DISC1: variants seen among roughly 807,000 people sequenced by gnomAD.
DISC1 encodes the protein DISC1 scaffold protein.
Under a neutral mutation model 84.5 loss-of-function variants are expected in DISC1, and 57 were observed. The ratio of observed to expected loss-of-function variants is 0.67; its 90% CI spans 0.55 to 0.84. The LOEUF (loss-of-function observed/expected upper bound fraction) is 0.84. DISC1 is among the 40% of genes least tolerant of loss of function. DISC1 has a pLI of 0.00. For missense variants in DISC1, 1,000 were observed against 1,057.8 expected (o/e 0.95, Z 0.76); for synonymous variants, 411 against 415.2 (o/e 0.99, Z 0.12).
chr1:231,857,124 T>G (rs2084326369), intron 9 of DISC1, among the ~76,000 whole-genome samples: 1 of 152,140 alleles, frequency 6.6e-6, no homozygotes, highest in Non-Finnish European at 1.5e-5. Context: ...CTGGTTTGGG[T>G]TCAAGCCTGC....
At chr1:231,763,026 C>T (rs1364679358) in intron 4 of DISC1, among the ~76,000 whole-genome samples, 2 of 152,204 alleles carry the variant, frequency 1.3e-5, no homozygotes, top group Non-Finnish European at 2.9e-5. Context: ...TGTGCACTCT[C>T]CACGTTGCAC....
At chr1:231,945,343 A>G (rs181460852) in intron 9 of DISC1, 7 of 152,350 alleles carry the variant, frequency 4.6e-5, no homozygotes, top group Admixed American at 3.9e-4. Flanking sequence ...GAAACTGAAC[A>G]GCCTGCTCCT....
At chr1:231,799,085 T>G (rs1156880734) in intron 7 of DISC1, among the ~76,000 whole-genome samples, 1 of 152,000 alleles carries the variant, frequency 6.6e-6, no homozygotes, top group African/African-American at 2.4e-5. Flanking sequence ...TGTTTTAGCC[T>G]CCAACAAAAT....
intron 3 of DISC1, among the ~76,000 whole-genome samples, chr1:231,739,274 T>C (rs778553639): frequency 5.9e-5 from 9 of 152,250 alleles, no homozygotes; most frequent in Non-Finnish European, 1.2e-4. Flanking sequence ...TCCATGATTA[T>C]ATGAACATTC....
In DISC1 at chr1:231,999,694, G is replaced by A. The variant is rs563814161; in HGVS notation, c.2043-9091G>A. ...CTCCAGAGTCTGAGACTTTACACCC[G>A]CACCAAGAGACATTCAGTTACCTGA... On this transcript the variant is annotated intron_variant, in intron 10 of 12. Coordinates refer to ENST00000439617, the MANE Select transcript of DISC1 (RefSeq NM_018662.3). Among the ~76,000 whole-genome samples the A allele has an allele frequency of 4.6e-5, 7 of 152,112 alleles. No individual in the cohort carries two copies. In the South Asian group the frequency reaches 6.2e-4, roughly 14 times the overall value.
At chr1:231,657,648 G>C (rs1426658250) in intron 1 of DISC1, among the ~76,000 whole-genome samples, 1 of 152,110 alleles carries the variant, frequency 6.6e-6, no homozygotes, top group Non-Finnish European at 1.5e-5. Flanking sequence ...ATCTTGAATT[G>C]ATTTTTGCTT....
At chr1:231,794,338 A>C (rs2078594954) in intron 6 of DISC1, among the ~76,000 whole-genome samples, 1 of 151,978 alleles carries the variant, frequency 6.6e-6, no homozygotes, top group Non-Finnish European at 1.5e-5. Flanking sequence ...TTGCTGCACA[A>C]GTTATTTTCT....
rs72513675 is a variant in DISC1 at position 231,912,742 on chromosome 1, CTTCTTTCTTTCTTTCTTTCTTTCTTTCT to C, written c.1982-46047_1982-46020del. Among the ~76,000 whole-genome samples the C allele has an allele frequency of 1.6e-3, 212 of 132,560 alleles. 2 individuals carry two copies. Among genetic ancestry groups the C allele is most frequent in the South Asian group, 7.8e-3 (29 of 3,732 alleles). The allele number at this position is 132,560 out of a possible 152,430, so 87.0% of individuals were successfully genotyped here. ...GGGACATTTAAGTCTGCAGCTTGCT[CTTCTTTCTTTCTTTCTTTCTTTCTTTCT>C]TTCTTTCTTTCTTTCTTTCTTTCTT... On this transcript the variant is annotated intron_variant, in intron 9 of 12. Transcript: ENST00000439617.
intron 8 of DISC1, among the ~76,000 whole-genome samples, chr1:231,809,544 G>A (rs2080088108): frequency 7.3e-6 from 1 of 136,948 alleles, no homozygotes; most frequent in African/African-American, 2.7e-5. Flanking sequence ...AAAAAAGGAT[G>A]GTTCTATCCA....
chr1:231,703,239 C>T (rs1032351381), intron 3 of DISC1, among the ~76,000 whole-genome samples: 3 of 152,204 alleles, frequency 2.0e-5, no homozygotes, highest in Non-Finnish European at 2.9e-5. Context: ...GACATTCTCC[C>T]AGTCCTCCTT....
At chr1:231,981,783 G>C (rs1663638405) in intron 10 of DISC1, among the ~76,000 whole-genome samples, 1 of 152,154 alleles carries the variant, frequency 6.6e-6, no homozygotes, top group African/African-American at 2.4e-5. Flanking sequence ...GGCATGACTT[G>C]TTCATGGGGC....
chr1:231,836,838 C>A (rs201671066), intron 9 of DISC1, among the ~76,000 whole-genome samples: 3 of 152,178 alleles, frequency 2.0e-5, no homozygotes, highest in Non-Finnish European at 4.4e-5. Context: ...CCCGTGTGAT[C>A]TGAGTCGGGC....
chr1:231,713,682 TATATATATATATATATAGGAG>T lies in DISC1; in HGVS notation c.1117+11676_1117+11696del, dbSNP rs1558400442. 5.2e-3 allele frequency among the ~76,000 whole-genome samples: 623 copies of T among 120,326 alleles called. 10 individuals are homozygous for T. The highest frequency in any genetic ancestry group is 0.02 in the African/African-American group (600 of 29,468). 78.9% of individuals were successfully genotyped at this position (120,326 alleles called of 152,430 possible). On this transcript the variant is annotated intron_variant, in intron 3 of 12. Transcript: ENST00000439617. ...GACCTCTAGGACATCATGAAGCAGA[TATATATATATATATATAGGAG>T]ATATATATATATATATATATAGGAG...
intron 9 of DISC1, among the ~76,000 whole-genome samples, chr1:231,930,290 A>G (rs1010667939): frequency 6.6e-6 from 1 of 152,140 alleles, no homozygotes; most frequent in Non-Finnish European, 1.5e-5. Flanking sequence ...CGGAGTTCAC[A>G]GGGTAGCCCG....
chr1:231,958,657 C>T (rs1444797852), intron 9 of DISC1, among the ~76,000 whole-genome samples, 171 bp from the exon 10 acceptor site: 1 of 152,238 alleles, frequency 6.6e-6, no homozygotes. Flanking sequence ...TCCTCCCCAA[C>T]TCATGACTTC....
rs530014069 is a variant in DISC1 at position 231,766,088 on chromosome 1, G to A, written c.1269-1052G>A. On this transcript the variant is annotated intron_variant, in intron 4 of 12. Transcript: ENST00000439617. ...GAGGATCACTTGAGGTCAGGAATTC[G>A]AGACCAGCCTGGCCAACATGGTGAA... is the stretch of plus-strand genomic sequence containing the variant. Among the ~76,000 whole-genome samples the A allele has an allele frequency of 3.3e-5, 5 of 151,990 alleles. No individual in the cohort carries two copies. In the South Asian group the frequency reaches 1.0e-3, roughly 32 times the overall value.
chr1:231,768,185 G>A (rs1200865931), intron 5 of DISC1, among the ~76,000 whole-genome samples: 2 of 152,172 alleles, frequency 1.3e-5, no homozygotes, highest in African/African-American at 4.8e-5. Flanking sequence ...CTTGAGCCTG[G>A]AGCTGTGAAG....
chr1:231,859,935 G>C (rs925534462), intron 9 of DISC1, among the ~76,000 whole-genome samples: 4 of 152,144 alleles, frequency 2.6e-5, no homozygotes, highest in Non-Finnish European at 4.4e-5. Context: ...TACAAAGTTT[G>C]TCAATCAGAG....
intron 1 of DISC1, among the ~76,000 whole-genome samples, chr1:231,671,424 T>C (rs1049753759): frequency 6.6e-6 from 1 of 152,158 alleles, no homozygotes; most frequent in African/African-American, 2.4e-5. Context: ...ATGAATGAAC[T>C]GAGCAGAACA....
Sources: allele counts gnomAD v4.1 joint callset (sites outside exome capture counted in the v4.1 genomes callset), GRCh38; gene constraint gnomAD v4.1.1; transcripts MANE v1.5; gene names NCBI Gene and HGNC (gene_info 2026-07-23, HGNC 2026-07-21).